SNCAIP: variants seen among roughly 807,000 people sequenced by gnomAD.
SNCAIP encodes synphilin-1.
In SNCAIP, 43 loss-of-function variants were observed where a neutral mutation model predicts 86.7. The observed-to-expected ratio is 0.50, with a 90% CI of 0.39 to 0.64. The LOEUF (loss-of-function observed/expected upper bound fraction) is 0.64, where lower values mean the gene tolerates loss of function less well. Among genes scored for constraint, SNCAIP ranks in the 30% least tolerant of loss-of-function variants. The pLI, the probability that SNCAIP is intolerant of heterozygous loss-of-function variation, is 0.00. For synonymous variants in SNCAIP, 417 were observed against 427.2 expected (o/e 0.98, Z 0.29); for missense variants, 981 against 1,103.1 (o/e 0.89, Z 1.57).
intron 5 of SNCAIP, among the ~76,000 whole-genome samples, chr5:122,429,689 C>T (rs1040031988): frequency 9.9e-5 from 15 of 151,900 alleles, no homozygotes; most frequent in African/African-American, 1.5e-4. Context: ...GCTCCAATTG[C>T]GAAATTTAAG....
At chr5:122,459,244 C>T (rs371905187) in intron 10 of SNCAIP, among the ~76,000 whole-genome samples, 1 of 152,142 alleles carries the variant, frequency 6.6e-6, no homozygotes, top group African/African-American at 2.4e-5. Context: ...TGGTTATCAG[C>T]GGAAATGTCG....
chr5:122,341,857 C>G (rs1052205084), intron 1 of SNCAIP, among the ~76,000 whole-genome samples: 8 of 152,140 alleles, frequency 5.3e-5, no homozygotes, highest in Non-Finnish European at 8.8e-5. Context: ...AAACAATACT[C>G]CATCCCGAAT....
intron 1 of SNCAIP, among the ~76,000 whole-genome samples, chr5:122,349,485 T>C (rs1052701589): frequency 6.6e-6 from 1 of 152,214 alleles, no homozygotes; most frequent in African/African-American, 2.4e-5. Context: ...ACTGTTTTAA[T>C]ACATAGAAAC....
intron 2 of SNCAIP, chr5:122,400,966 CT>C (rs1771684335): frequency 6.5e-7 from 1 of 1,537,956 alleles, no homozygotes; most frequent in Admixed American, 2.1e-5. Context: ...CAAGCCCCCT[CT>C]TCACTCTTCT....
intron 7 of SNCAIP, chr5:122,441,244 G>A (rs1780826572): frequency 6.0e-6 from 1 of 167,812 alleles, no homozygotes; most frequent in Non-Finnish European, 1.3e-5. Context: ...CCCTTTCTCT[G>A]TAGTAGGACT....
chr5:122,330,674 A>C (rs944625705), intron 1 of SNCAIP, among the ~76,000 whole-genome samples: 7 of 152,192 alleles, frequency 4.6e-5, no homozygotes, highest in Non-Finnish European at 8.8e-5. Flanking sequence ...GTAGTAAGCC[A>C]TCATTTAATT....
At chr5:122,345,759 C>G (rs973371714) in intron 1 of SNCAIP, among the ~76,000 whole-genome samples, 2 of 152,098 alleles carry the variant, frequency 1.3e-5, no homozygotes, top group South Asian at 4.1e-4. Context: ...CTCATGGGCT[C>G]AAGTGATCCT....
chr5:122,362,091 T>C (rs1762323403), intron 1 of SNCAIP, among the ~76,000 whole-genome samples: 1 of 152,120 alleles, frequency 6.6e-6, no homozygotes, highest in East Asian at 1.9e-4. Context: ...AATAGTGGAG[T>C]CCTTCTGTAA....
intron 1 of SNCAIP, among the ~76,000 whole-genome samples, chr5:122,348,244 T>C (rs886853452): frequency 1.3e-5 from 2 of 152,128 alleles, no homozygotes; most frequent in African/African-American, 2.4e-5. Flanking sequence ...GAAATAAAGT[T>C]TATTCTTTTT....
chr5:122,378,080 G>A (rs1344828036), intron 1 of SNCAIP, among the ~76,000 whole-genome samples: 7 of 147,278 alleles, frequency 4.8e-5, no homozygotes, highest in Non-Finnish European at 1.1e-4. Flanking sequence ...GGGTCAAATG[G>A]TATTTCTAGT....
At chr5:122,456,186 G>C (rs1274278322) in intron 10 of SNCAIP, among the ~76,000 whole-genome samples, 1 of 152,160 alleles carries the variant, frequency 6.6e-6, no homozygotes, top group Non-Finnish European at 1.5e-5. Context: ...ACCAGCATTA[G>C]CATAGAGTCC....
chr5:122,353,525 G>T (rs929980725), intron 1 of SNCAIP, among the ~76,000 whole-genome samples: 42 of 151,924 alleles, frequency 2.8e-4, no homozygotes, highest in Admixed American at 2.3e-3. Flanking sequence ...TCTTGAATTG[G>T]AGCTCCCACA....
At chr5:122,315,561 T>G (rs561912776) in intron 1 of SNCAIP, among the ~76,000 whole-genome samples, 13 of 152,322 alleles carry the variant, frequency 8.5e-5, no homozygotes, top group South Asian at 4.1e-4. Flanking sequence ...ACTACATTTT[T>G]GAGGATACTT....
chr5:122,319,146 G>C (rs574461693), intron 1 of SNCAIP, among the ~76,000 whole-genome samples: 20 of 150,966 alleles, frequency 1.3e-4, no homozygotes, highest in African/African-American at 4.4e-4. Flanking sequence ...GTTATTTTTT[G>C]TTGTTGTTGT....
intron 1 of SNCAIP, among the ~76,000 whole-genome samples, chr5:122,375,954 AG>A (rs1261337032): frequency 1.3e-5 from 2 of 152,122 alleles, no homozygotes; most frequent in African/African-American, 4.8e-5. Flanking sequence ...AGCTGAGGAT[AG>A]CCATTAGCTT....
intron 10 of SNCAIP, among the ~76,000 whole-genome samples, chr5:122,462,182 G>A (rs759236157): frequency 1.3e-5 from 2 of 151,966 alleles, no homozygotes; most frequent in Admixed American, 6.6e-5. Context: ...AGAAGTACAC[G>A]GTGCTTCTAA....
intron 1 of SNCAIP, among the ~76,000 whole-genome samples, chr5:122,326,080 A>T (rs1753955411): frequency 6.6e-6 from 1 of 152,240 alleles, no homozygotes; most frequent in African/African-American, 2.4e-5. Context: ...GGGGTGAAAT[A>T]TTGACAGCTC....
intron 3 of SNCAIP, among the ~76,000 whole-genome samples, chr5:122,411,947 A>G (rs1774225454): frequency 6.6e-6 from 1 of 152,074 alleles, no homozygotes; most frequent in Admixed American, 6.6e-5. Flanking sequence ...AAAACCAGGC[A>G]ATGGTTTCCC....
At chr5:122,393,882 T>C (rs1770001197) in intron 2 of SNCAIP, among the ~76,000 whole-genome samples, 1 of 152,194 alleles carries the variant, frequency 6.6e-6, no homozygotes, top group African/African-American at 2.4e-5. Context: ...AATGATTACA[T>C]GGAAAAAGAA....
Sources: allele counts gnomAD v4.1 joint callset (sites outside exome capture counted in the v4.1 genomes callset), GRCh38; gene constraint gnomAD v4.1.1; transcripts MANE v1.5; gene names NCBI Gene and HGNC (gene_info 2026-07-23, HGNC 2026-07-21).